Variants in IBA57 observed in about 807,000 individuals in gnomAD.
IBA57 encodes the protein iron-sulfur cluster assembly factor IBA57, mitochondrial.
Under a neutral mutation model 20.4 loss-of-function variants are expected in IBA57, and 20 were observed. The observed-to-expected ratio is 0.98, with a 90% CI of 0.69 to 1.42. The LOEUF is 1.42. IBA57 is among the 40% of genes most tolerant of loss of function. IBA57 has a pLI of 0.00. For missense variants in IBA57, 608 were observed against 499.3 expected (o/e 1.22, Z -2.07); for synonymous variants, 310 against 233.9 (o/e 1.33, Z -2.97).
chr1:228,175,705 T>G lies in IBA57; in HGVS notation c.*192T>G. 1.6e-6 allele frequency: 1 copy of G among 608,732 alleles called. No homozygotes were observed. Among genetic ancestry groups the G allele is most frequent in the South Asian group, 2.8e-5 (1 of 35,870 alleles). The allele number at this position is 608,732 out of a possible 1,614,324, so 37.7% of individuals were successfully genotyped here. ...GCTCAGGGGCCCCAGGCACGTGGGT[T>G]GTTTTCTCCCTGGACTTCCTGTGGC... On this transcript the variant is annotated 3_prime_UTR_variant, in exon 3 of 3. Transcript: ENST00000366711.
At chr1:228,175,075 T>G in intron 2 of IBA57, 46 bp downstream of exon 2, 1 of 1,584,340 alleles carries the variant, frequency 6.3e-7, no homozygotes, top group Non-Finnish European at 8.6e-7. Flanking sequence ...CGGGTGGAGC[T>G]GGACGATGTT....
chr1:228,172,338 C>A (rs2034941066), intron 1 of IBA57: 1 of 152,218 alleles, frequency 6.6e-6, no homozygotes, highest in Non-Finnish European at 1.5e-5. Context: ...CACGCGGCTT[C>A]CTGCTCCTGC....
intron 1 of IBA57, among the ~76,000 whole-genome samples, chr1:228,167,548 G>C (rs1437877736): frequency 6.6e-6 from 1 of 152,056 alleles, no homozygotes; most frequent in Non-Finnish European, 1.5e-5. Context: ...GTAGAGACAG[G>C]GTTTCACCAT....
chr1:228,174,140 G>A (rs1319295442), intron 1 of IBA57, among the ~76,000 whole-genome samples: 4 of 150,998 alleles, frequency 2.6e-5, no homozygotes, highest in South Asian at 2.1e-4. Context: ...TGTGGGCGTG[G>A]CTCGCTGTGG....
Position 228,166,057 on chromosome 1 carries a change from C to T in IBA57, c.241C>T (p.Pro81Ser), listed in dbSNP as rs745970920. The change falls in exon 1 of 3, where the codon CCG (proline) becomes TCG (serine). Residue 81 changes from proline (P) to serine (S), a missense_variant. By Grantham distance (74) the Pro-to-Ser change is moderately conservative. Transcript: ENST00000366711. ...GCTGCTGACCAATGAACTGCCGCTT[C>T]CGAGTCCTGCGGCCGCGGGGGCCCC... The part of the protein sequence containing the change: ...LGLLTNELPL[P>S]SPAAAGAPPA... The T allele has an allele frequency of 2.6e-6, 4 of 1,537,890 alleles. No homozygotes were observed. Among genetic ancestry groups the T allele is most frequent in the East Asian group, 2.5e-5 (1 of 40,336 alleles).
At chr1:228,173,979 G>A (rs2034963199) in intron 1 of IBA57, among the ~76,000 whole-genome samples, 1 of 152,204 alleles carries the variant, frequency 6.6e-6, no homozygotes, top group Non-Finnish European at 1.5e-5. Context: ...GCTGGTCCAG[G>A]TGTACCCTGC....
rs376797928 is a variant in IBA57, at chr1:228,182,113, A to G, written c.*6600A>G. On this transcript the variant is annotated 3_prime_UTR_variant, in exon 3 of 3. Transcript: ENST00000366711. ...CTCTCAGTGAGAAGTTCTCAGGGAC[A>G]ATAATAGCAGGGGGTCCTGCTGAAG... is the stretch of plus-strand genomic sequence containing the variant. 5 of 152,286 alleles carry G rather than the reference A, an allele frequency of 3.3e-5. No individual in the cohort carries two copies. The highest frequency in any genetic ancestry group is 1.2e-4 in the African/African-American group (5 of 41,564). 9.4% of individuals were successfully genotyped at this position (152,286 alleles called of 1,614,324 possible).
At position 228,177,467 on chromosome 1, in the gene IBA57, C is replaced by A. The variant is rs773449092; in HGVS notation, c.*1954C>A. The A allele has an allele frequency of 1.4e-5, 2 of 143,294 alleles. No individual in the cohort carries two copies. Among genetic ancestry groups the A allele is most frequent in the African/African-American group, 5.1e-5 (2 of 38,898 alleles). 8.9% of individuals were successfully genotyped at this position (143,294 alleles called of 1,614,324 possible). A position where few individuals can be genotyped will look rare whatever the true frequency, so the allele number is the denominator to read the frequency against. On this transcript the variant is annotated 3_prime_UTR_variant, in exon 3 of 3. Transcript: ENST00000366711. ...TACTTGGTTCAGATCAAACACATTTCGTGTTCTTCTGTGTCCTTTTTTTTT... is the reference window on the plus strand; with the variant it reads ...TACTTGGTTCAGATCAAACACATTTAGTGTTCTTCTGTGTCCTTTTTTTTT...
chr1:228,166,635 G>C lies in IBA57; in HGVS notation c.341+478G>C, dbSNP rs144448375. Among the ~76,000 whole-genome samples, 999 of 152,354 alleles carry C rather than the reference G, an allele frequency of 6.6e-3. 4 individuals are homozygous for C. Among genetic ancestry groups the C allele is most frequent in the Admixed American group, 0.011 (168 of 15,314 alleles). ...TGACAGCTTGTGGTGACACTCCCGA[G>C]TTCTGTTTACCTTGTGTTTCCCTGT... On this transcript the variant is annotated intron_variant, in intron 1 of 2. Transcript: ENST00000366711.
chr1:228,179,554 G>C lies in IBA57; in HGVS notation c.*4041G>C, dbSNP rs910291832. The C allele has an allele frequency of 2.6e-5, 4 of 152,142 alleles. No homozygotes were observed. The highest frequency in any genetic ancestry group is 7.2e-5 in the African/African-American group (3 of 41,440). The allele number at this position is 152,142 out of a possible 1,614,324, so 9.4% of individuals were successfully genotyped here. A position where few individuals can be genotyped will look rare whatever the true frequency, so the allele number is the denominator to read the frequency against. On this transcript the variant is annotated 3_prime_UTR_variant, in exon 3 of 3. Coordinates refer to ENST00000366711, the MANE Select transcript of IBA57 (RefSeq NM_001010867.4). Reference sequence around the variant, plus strand: ...GAAAGAGAATATGGGGTGGAGGCAAGTATTCAGAGAAATACGGCTGAGAAC... The same window carrying C: ...GAAAGAGAATATGGGGTGGAGGCAACTATTCAGAGAAATACGGCTGAGAAC...
Position 228,166,128 on chromosome 1 carries a change from C to A in IBA57, c.312C>A (p.Gly104=). 3 of 1,534,752 alleles carry A rather than the reference C, an allele frequency of 2.0e-6. No homozygotes were observed. Among genetic ancestry groups the A allele is most frequent in the Non-Finnish European group, 2.6e-6 (3 of 1,143,214 alleles). Residue 104 remains glycine (G), a synonymous_variant, in exon 1 of 3, where the codon GGC becomes GGA. Transcript: ENST00000366711. The part of the protein sequence containing the change: ...AGYAHFLNVQ[G]RTLYDVILYG... ...ACGCCCACTTCCTGAACGTGCAGGGCCGGACGCTCTATGACGTCATCTTGT... is the reference window on the plus strand; with the variant it reads ...ACGCCCACTTCCTGAACGTGCAGGGACGGACGCTCTATGACGTCATCTTGT...
intron 1 of IBA57, among the ~76,000 whole-genome samples, chr1:228,174,096 GGT>G (rs2034965459): frequency 6.6e-6 from 1 of 152,162 alleles, no homozygotes; most frequent in Non-Finnish European, 1.5e-5. Context: ...CGCCTTGGGA[GGT>G]GCTGCCTGGT....
At position 228,175,558 on chromosome 1, in the gene IBA57, G is replaced by A; in HGVS notation, c.*45G>A. On this transcript the variant is annotated 3_prime_UTR_variant, in exon 3 of 3. Coordinates refer to ENST00000366711, the MANE Select transcript of IBA57 (RefSeq NM_001010867.4). ...CAGGCTGATGGGGAGGCTGGGGCCT[G>A]GGGCCTTTGGCCTCTGTCCAGGGTC... 2 of 1,519,196 alleles carry A rather than the reference G, an allele frequency of 1.3e-6. No homozygotes were observed. Among genetic ancestry groups the A allele is most frequent in the Non-Finnish European group, 1.8e-6 (2 of 1,134,928 alleles). 94.1% of individuals were successfully genotyped at this position (1,519,196 alleles called of 1,614,324 possible). A position where few individuals can be genotyped will look rare whatever the true frequency, so the allele number is the denominator to read the frequency against.
In IBA57 at chr1:228,176,085, C is replaced by G. The variant is rs1260774399; in HGVS notation, c.*572C>G. On this transcript the variant is annotated 3_prime_UTR_variant, in exon 3 of 3. Coordinates refer to ENST00000366711, the MANE Select transcript of IBA57 (RefSeq NM_001010867.4). ...TCGAGAAGCACACAGGGATGAGCCA[C>G]TAGGTATCCCATGCTGGAGGCTTGT... 6.5e-6 allele frequency: 1 copy of G among 152,772 alleles called. No homozygotes were observed. The highest frequency in any genetic ancestry group is 1.5e-5 in the Non-Finnish European group (1 of 68,508). 9.5% of individuals were successfully genotyped at this position (152,772 alleles called of 1,614,324 possible).
chr1:228,175,064 A>T (rs1398502161), intron 2 of IBA57, 35 bp downstream of exon 2: 26 of 1,573,530 alleles, frequency 1.7e-5, no homozygotes, highest in Middle Eastern at 3.4e-4. Context: ...GCTGGATTGC[A>T]CGGGTGGAGC....
In IBA57 at chr1:228,175,461, A is replaced by G; in HGVS notation, c.1019A>G (p.Gln340Arg). The change falls in exon 3 of 3, where the codon CAG (glutamine) becomes CGG (arginine). Residue 340 changes from glutamine to arginine, a missense_variant. Physicochemically the swap from Gln to Arg is conservative, Grantham distance 43 (BLOSUM62 1). Coordinates refer to ENST00000366711, the MANE Select transcript of IBA57 (RefSeq NM_001010867.4). ...PLHIRASEGA[Q>R]VALAASVPDW... ...CACATCAGAGCCTCTGAGGGTGCCCAGGTGGCCTTAGCCGCATCTGTGCCA... is the reference window on the plus strand; with the variant it reads ...CACATCAGAGCCTCTGAGGGTGCCCGGGTGGCCTTAGCCGCATCTGTGCCA... 2 of 1,603,418 alleles carry G rather than the reference A, an allele frequency of 1.2e-6. No homozygotes were observed. The highest frequency in any genetic ancestry group is 1.7e-6 in the Non-Finnish European group (2 of 1,173,892).
At chr1:228,169,885 T>A (rs942341851) in intron 1 of IBA57, among the ~76,000 whole-genome samples, 2 of 152,188 alleles carry the variant, frequency 1.3e-5, no homozygotes, top group African/African-American at 4.8e-5. Flanking sequence ...CTTTTTTTTT[T>A]AGACAGAGTC....
rs1437983823 is a variant in IBA57 at position 228,175,134 on chromosome 1, G to T, written c.692G>T (p.Gly231Val). 4 of 1,612,142 alleles carry T rather than the reference G, an allele frequency of 2.5e-6. No homozygotes were observed. Among genetic ancestry groups the T allele is most frequent in the Non-Finnish European group, 3.4e-6 (4 of 1,179,420 alleles). The change falls in exon 3 of 3, where the codon GGG becomes GTG. Residue 231 changes from glycine to valine, a missense_variant. Gly to Val is a moderately radical substitution (Grantham distance 109). Transcript: ENST00000366711. Reference sequence around the variant, plus strand: ...CCAATCCCTGCAGGCGTTCCTGAGGGGGTCCGAGACTTGCCTCCTGGGGTG... The same window carrying T: ...CCAATCCCTGCAGGCGTTCCTGAGGTGGTCCGAGACTTGCCTCCTGGGGTG... ...QHRYLQGVPE[G>V]VRDLPPGVAL...
chr1:228,174,669 C>T (rs776663206), intron 1 of IBA57, 23 bp from the exon 2 acceptor site: 19 of 1,502,902 alleles, frequency 1.3e-5, no homozygotes, highest in Admixed American at 1.2e-4. Flanking sequence ...AGCTGCCATG[C>T]GCCCCTGCCT....
Sources: gnomAD v4.1 joint callset for allele counts (sites outside exome capture counted in the v4.1 genomes callset) on GRCh38, gnomAD v4.1.1 for gene constraint, MANE v1.5 for transcripts, NCBI Gene and HGNC (gene_info 2026-07-23, HGNC 2026-07-21) for gene names.